Variants in ZNF644 observed in about 807,000 individuals in gnomAD.
The protein encoded by ZNF644 is zinc finger motif enhancer binding protein 2.
A neutral mutation model predicts 108.0 loss-of-function variants in ZNF644; 20 were observed. That is an observed-to-expected ratio of 0.19 (90% CI 0.13 to 0.27). The LOEUF is 0.27. ZNF644 is among the 10% of genes least tolerant of loss of function. The pLI is 1.00. For missense variants in ZNF644, 1,338 were observed against 1,548.9 expected (o/e 0.86, Z 2.29); for synonymous variants, 542 against 539.1 (o/e 1.01, Z -0.08).
At chr1:91,000,913 G>A (rs908335296) in intron 1 of ZNF644, among the ~76,000 whole-genome samples, 6 of 152,146 alleles carry the variant, frequency 3.9e-5, no homozygotes, top group Non-Finnish European at 8.8e-5. Context: ...ACACCTCTAT[G>A]CAAACAAACT....
chr1:91,021,905 C>T, intron 1 of ZNF644, 85 bp downstream of exon 1: 2 of 399,194 alleles, frequency 5.0e-6, no homozygotes, highest in Non-Finnish European at 8.8e-6. Flanking sequence ...CTTCCGCCAC[C>T]CTCAGTCCCG....
At chr1:90,985,429 T>C (rs1483068474) in intron 1 of ZNF644, among the ~76,000 whole-genome samples, 1 of 152,192 alleles carries the variant, frequency 6.6e-6, no homozygotes, top group Non-Finnish European at 1.5e-5. Context: ...TAAAACTTTG[T>C]ACCATTTGAT....
At chr1:91,020,184 T>A (rs1408763831) in intron 1 of ZNF644, among the ~76,000 whole-genome samples, 1 of 152,214 alleles carries the variant, frequency 6.6e-6, no homozygotes, top group Non-Finnish European at 1.5e-5. Context: ...ATGCATCTCC[T>A]ATTCATTAAT....
In ZNF644 at chr1:90,940,686, T is replaced by A; in HGVS notation, c.668A>T (p.Glu223Val). The A allele has an allele frequency of 6.2e-7, 1 of 1,614,122 alleles. No homozygotes were observed. The highest frequency in any genetic ancestry group is 1.1e-5 in the South Asian group (1 of 91,076). ...KSDGTLINQV[E>V]VGEDGEDLLV... The stretch of plus-strand genomic sequence containing the variant: ...TAAATCTTCACCATCCTCACCCACC[T>A]CTACTTGATTTATTAAAGTGCCATC... The change falls in exon 3 of 6, where the codon GAG becomes GTG. Residue 223 changes from glutamate to valine, a missense_variant. Around this residue, in one of 6 missense-constraint regions of ZNF644, gnomAD observed 464 missense variants for 457.9 expected, o/e 1.01. Transcript: ENST00000337393.
chr1:90,997,307 TCAA>T, intron 1 of ZNF644, among the ~76,000 whole-genome samples: 1 of 152,276 alleles, frequency 6.6e-6, no homozygotes, highest in East Asian at 1.9e-4. Context: ...ACACATAACT[TCAA>T]CAAAAAGATT....
chr1:90,940,321 C>T lies in ZNF644; in HGVS notation c.1033G>A (p.Val345Met). 6.2e-7 allele frequency: 1 copy of T among 1,613,952 alleles called. No homozygotes were observed. The highest frequency in any genetic ancestry group is 8.5e-7 in the Non-Finnish European group (1 of 1,179,960). The change falls in exon 3 of 6, where the codon GTG becomes ATG. Residue 345 changes from valine (V) to methionine (M), a missense_variant. Around this residue, in one of 6 missense-constraint regions of ZNF644, gnomAD observed 464 missense variants for 457.9 expected, o/e 1.01. Coordinates refer to ENST00000337393, the MANE Select transcript of ZNF644 (RefSeq NM_201269.3). ...VDSQKYALSK[V>M]KPESTDEDLE... is the part of the protein sequence containing the mutation. The stretch of plus-strand genomic sequence containing the variant: ...TCTTCATCAGTTGATTCAGGCTTCA[C>T]TTTTGATAATGCATATTTCTGTGAG...
At chr1:90,999,069 G>C (rs1658481900) in intron 1 of ZNF644, among the ~76,000 whole-genome samples, 1 of 152,158 alleles carries the variant, frequency 6.6e-6, no homozygotes, top group African/African-American at 2.4e-5. Flanking sequence ...ACGCCTGATT[G>C]GTGTACCTTA....
intron 1 of ZNF644, among the ~76,000 whole-genome samples, chr1:90,986,795 G>C (rs1460174831): frequency 6.6e-6 from 1 of 151,826 alleles, no homozygotes; most frequent in East Asian, 1.9e-4. Flanking sequence ...AAACAAATCT[G>C]AATAAATTTA....
At chr1:90,949,087 T>C (rs919494916) in intron 2 of ZNF644, among the ~76,000 whole-genome samples, 9 of 152,052 alleles carry the variant, frequency 5.9e-5, no homozygotes, top group Non-Finnish European at 1.3e-4. Context: ...AGGAAGGATT[T>C]AAATCGTAAA....
intron 2 of ZNF644, among the ~76,000 whole-genome samples, chr1:90,971,520 A>G (rs1384641644): frequency 6.6e-6 from 1 of 152,106 alleles, no homozygotes; most frequent in Non-Finnish European, 1.5e-5. Context: ...ACAGGGTTCA[A>G]GCGATTCTCC....
Position 90,916,779 on chromosome 1 carries a change from T to C in ZNF644, c.*19A>G. On this transcript the variant is annotated 3_prime_UTR_variant, in exon 6 of 6. Coordinates refer to ENST00000337393, the MANE Select transcript of ZNF644 (RefSeq NM_201269.3). ...ATTTACATCCAATTCAAACTGGCTA[T>C]TTAAAAGGTTTCCTGGTTCTATGAA... 6.2e-7 allele frequency: 1 copy of C among 1,613,770 alleles called. No individual in the cohort carries two copies.
intron 1 of ZNF644, among the ~76,000 whole-genome samples, chr1:91,010,232 G>A (rs952020722): frequency 1.3e-4 from 18 of 143,590 alleles, no homozygotes; most frequent in Admixed American, 3.5e-4. Context: ...TCTCATGTCT[G>A]TGCCTTTTTT....
At position 90,939,731 on chromosome 1, in the gene ZNF644, T is replaced by C. The variant is rs977031060; in HGVS notation, c.1623A>G (p.Glu541=). The C allele has an allele frequency of 1.2e-6, 2 of 1,613,992 alleles. No homozygotes were observed. Residue 541 remains glutamate, a synonymous_variant, in exon 3 of 6, where the codon GAA becomes GAG. Coordinates refer to ENST00000337393, the MANE Select transcript of ZNF644 (RefSeq NM_201269.3). The part of the protein sequence containing the change: ...NFMAVTENEL[E]CHRGIAHGAV... ...CCCCATGTGCAATGCCTCGATGGCA[T>C]TCCAATTCATTTTCTGTCACTGCCA...
chr1:90,964,010 A>C (rs1654591284), intron 2 of ZNF644, among the ~76,000 whole-genome samples: 1 of 152,154 alleles, frequency 6.6e-6, no homozygotes, highest in Admixed American at 6.5e-5. Flanking sequence ...ATACCTTAAC[A>C]ATTATGGTAT....
At chr1:90,980,278 T>TG (rs2101461789) in intron 2 of ZNF644, among the ~76,000 whole-genome samples, 1 of 152,298 alleles carries the variant, frequency 6.6e-6, no homozygotes, top group African/African-American at 2.4e-5. Context: ...GAAGATAAGC[T>TG]GACAACTAGC....
chr1:90,935,437 T>C, intron 4 of ZNF644: 1 of 985,902 alleles, frequency 1.0e-6, no homozygotes, highest in South Asian at 4.7e-5. Context: ...AGCACTCTTC[T>C]TTCGTGCATA....
intron 1 of ZNF644, among the ~76,000 whole-genome samples, chr1:90,987,817 A>G: frequency 6.6e-6 from 1 of 152,090 alleles, no homozygotes; most frequent in East Asian, 1.9e-4. Flanking sequence ...CAGCACATTA[A>G]AAGGATTACA....
chr1:90,940,037 A>G lies in ZNF644; in HGVS notation c.1317T>C (p.Phe439=). The G allele has an allele frequency of 6.2e-7, 1 of 1,614,084 alleles. No individual in the cohort carries two copies. Among genetic ancestry groups the G allele is most frequent in the South Asian group, 1.1e-5 (1 of 91,078 alleles). ...MMYHLDGNSH[F]RHLNVPRPYA... is the part of the protein sequence containing the mutation. ...ATGGCCTTGGGACATTAAGATGGCG[A>G]AAGTGACTATTCCCATCTAAATGAT... The change falls in exon 3 of 6, where the codon TTT becomes TTC. Residue 439 remains phenylalanine, a synonymous_variant. Coordinates refer to ENST00000337393, the MANE Select transcript of ZNF644 (RefSeq NM_201269.3).
Position 90,940,895 on chromosome 1 carries a change from T to C in ZNF644, c.459A>G (p.Ser153=). The change falls in exon 3 of 6, where the codon TCA becomes TCG. Residue 153 remains serine, a synonymous_variant. Coordinates refer to ENST00000337393, the MANE Select transcript of ZNF644 (RefSeq NM_201269.3). ...GAAGATCAGCTGCTACCTTCAAAGT[T>C]GAACAAGATTCTGTTGTTGGCTGAT... ...PVDQPTTESC[S]TLKVAADLQL... is the part of the protein sequence containing the mutation. 7 of 1,614,114 alleles carry C rather than the reference T, an allele frequency of 4.3e-6. No individual in the cohort carries two copies. Among genetic ancestry groups the C allele is most frequent in the Non-Finnish European group, 5.1e-6 (6 of 1,179,988 alleles).
Sources: gnomAD v4.1 joint callset for allele counts (sites outside exome capture counted in the v4.1 genomes callset) on GRCh38, gnomAD v4.1.1 for gene constraint, gnomAD v4.1.1 regional missense constraint, MANE v1.5 for transcripts, NCBI Gene and HGNC (gene_info 2026-07-23, HGNC 2026-07-21) for gene names.